DEPDC7: variants seen among roughly 807,000 people sequenced by gnomAD.
DEPDC7 encodes DEP domain-containing protein 7.
DEPDC7 carries 41 observed loss-of-function variants against 56.6 expected under a neutral mutation model. The observed-to-expected ratio is 0.72, with a 90% CI of 0.56 to 0.94. The LOEUF (loss-of-function observed/expected upper bound fraction) is 0.94, where lower values mean the gene tolerates loss of function less well. DEPDC7 is among the 40% of genes least tolerant of loss of function. The pLI is 0.00. For missense variants in DEPDC7, 522 were observed against 596.3 expected (o/e 0.88, Z 1.30); for synonymous variants, 185 against 208.8 (o/e 0.89, Z 0.98).
chr11:33,020,477 T>G (rs1412798636), intron 1 of DEPDC7, among the ~76,000 whole-genome samples: 2 of 152,188 alleles, frequency 1.3e-5, no homozygotes, highest in Admixed American at 1.3e-4. Context: ...GGCTAGATAA[T>G]CAAATTATTC....
chr11:33,026,098 C>A, intron 2 of DEPDC7, 49 bp downstream of exon 2: 1 of 1,601,926 alleles, frequency 6.2e-7, no homozygotes, highest in South Asian at 1.1e-5. Context: ...AGGATTTTGT[C>A]TACCTTTTTA....
intron 1 of DEPDC7, among the ~76,000 whole-genome samples, chr11:33,024,294 A>G (rs985645014): frequency 6.6e-6 from 1 of 152,224 alleles, no homozygotes; most frequent in African/African-American, 2.4e-5. Context: ...CTGTCTTTGC[A>G]ATAGGTCATA....
chr11:33,028,400 C>T, intron 3 of DEPDC7: 1 of 439,628 alleles, frequency 2.3e-6, no homozygotes. Context: ...GAAAAGAATT[C>T]CTGTTGTCCA....
chr11:33,020,088 AATAGGTTTTC>A (rs1853508382), intron 1 of DEPDC7, among the ~76,000 whole-genome samples: 1 of 152,214 alleles, frequency 6.6e-6, no homozygotes, highest in African/African-American at 2.4e-5. Context: ...TTTCCCTTTA[AATAGGTTTTC>A]ATAGGTTTTC....
intron 1 of DEPDC7, among the ~76,000 whole-genome samples, chr11:33,025,112 C>G (rs1452631052): frequency 6.6e-6 from 1 of 152,126 alleles, no homozygotes; most frequent in African/African-American, 2.4e-5. Flanking sequence ...CCCTCTCCCT[C>G]CTTGATCTAA....
intron 3 of DEPDC7, 46 bp from the exon 4 acceptor site, chr11:33,028,557 G>C: frequency 1.4e-6 from 2 of 1,461,944 alleles, no homozygotes; most frequent in South Asian, 1.4e-5. Context: ...TGAGCATATA[G>C]TAACTATTAA....
chr11:33,016,254 C>G, intron 1 of DEPDC7: 1 of 1,340,718 alleles, frequency 7.5e-7, no homozygotes, highest in Non-Finnish European at 9.5e-7. Context: ...CCCGCCCGCA[C>G]AGCCCAGCTT....
intron 1 of DEPDC7, chr11:33,016,607 A>T (rs1279400638): frequency 6.2e-7 from 1 of 1,611,216 alleles, no homozygotes. Flanking sequence ...CACTTTATGT[A>T]TAAGCAGTAT....
chr11:33,029,843 T>C (rs1214034292), intron 4 of DEPDC7, among the ~76,000 whole-genome samples: 2 of 152,262 alleles, frequency 1.3e-5, no homozygotes, highest in Non-Finnish European at 2.9e-5. Flanking sequence ...AACAGTTGAA[T>C]GCCAAAAGGC....
chr11:33,033,389 G>GA lies in DEPDC7; in HGVS notation c.1476dup (p.Leu493IlefsTer7), dbSNP rs1319180972. ...ATTCAAAACTTTCTGCCAAAGAGAA[G>GA]AAAAAATTGCTAGGTCAATTCTATA... On this transcript the variant is annotated frameshift_variant, in exon 9 of 9. Coordinates refer to ENST00000241051, the MANE Select transcript of DEPDC7 (RefSeq NM_001077242.2). LOFTEE classifies it high-confidence loss of function. The GA allele has an allele frequency of 4.3e-6, 7 of 1,609,520 alleles. No individual in the cohort carries two copies. Among genetic ancestry groups the GA allele is most frequent in the Non-Finnish European group, 5.9e-6 (7 of 1,178,764 alleles).
At position 33,025,901 on chromosome 11, in the gene DEPDC7, A is replaced by G; in HGVS notation, c.316A>G (p.Lys106Glu). The G allele has an allele frequency of 6.2e-7, 1 of 1,614,180 alleles. No individual in the cohort carries two copies. The highest frequency in any genetic ancestry group is 8.5e-7 in the Non-Finnish European group (1 of 1,180,022). The change falls in exon 2 of 9, where the codon AAA becomes GAA. Residue 106 changes from lysine (K) to glutamate (E), a missense_variant. Transcript: ENST00000241051. ...AGTGTGTCAAGCGCTTATGGACTACAAAGTATTTGAAGCAGTTCCAACCAA... is the reference window on the plus strand; with the variant it reads ...AGTGTGTCAAGCGCTTATGGACTACGAAGTATTTGAAGCAGTTCCAACCAA... The part of the protein sequence containing the change: ...VRVCQALMDY[K>E]VFEAVPTKVF...
At chr11:33,031,853 T>C (rs1853636498) in intron 5 of DEPDC7, among the ~76,000 whole-genome samples, 1 of 152,204 alleles carries the variant, frequency 6.6e-6, no homozygotes, top group Non-Finnish European at 1.5e-5. Context: ...GCAGCAATTC[T>C]CTTTTTTTAG....
At chr11:33,029,404 A>G (rs1853610509) in intron 4 of DEPDC7, among the ~76,000 whole-genome samples, 1 of 151,064 alleles carries the variant, frequency 6.6e-6, no homozygotes, top group African/African-American at 2.4e-5. Flanking sequence ...AGGCAGGAAA[A>G]TCACTTGAAC....
intron 1 of DEPDC7, among the ~76,000 whole-genome samples, chr11:33,017,460 T>C (rs1853476074): frequency 6.6e-6 from 1 of 152,148 alleles, no homozygotes; most frequent in Admixed American, 6.5e-5. Context: ...AGAAATTAAG[T>C]AGATAACTCT....
At chr11:33,024,834 GTGTGTA>G (rs1318061046) in intron 1 of DEPDC7, among the ~76,000 whole-genome samples, 1 of 147,688 alleles carries the variant, frequency 6.8e-6, no homozygotes. Flanking sequence ...GTGTGTGTGT[GTGTGTA>G]TGACTCATAA....
chr11:33,019,136 A>G lies in DEPDC7; in HGVS notation c.73+3108A>G, dbSNP rs796860817. Among the ~76,000 whole-genome samples, 11 of 152,148 alleles carry G rather than the reference A, an allele frequency of 7.2e-5. 1 individual carries two copies. The highest frequency in any genetic ancestry group is 2.2e-4 in the African/African-American group (9 of 41,490). On this transcript the variant is annotated intron_variant, in intron 1 of 8. Coordinates refer to ENST00000241051, the MANE Select transcript of DEPDC7 (RefSeq NM_001077242.2). Reference sequence around the variant, plus strand: ...AGCACTGTGTCTGCTGCGTTAACTCAAGTTTCCATGTCTGAACAGTATTCA... The same window carrying G: ...AGCACTGTGTCTGCTGCGTTAACTCGAGTTTCCATGTCTGAACAGTATTCA...
At chr11:33,032,595 T>C (rs1289404489) in intron 6 of DEPDC7, 73 bp from the exon 7 acceptor site, 3 of 1,351,598 alleles carry the variant, frequency 2.2e-6, no homozygotes, top group Non-Finnish European at 2.0e-6. Flanking sequence ...GCTATTAATA[T>C]TTAATATTCC....
intron 3 of DEPDC7, chr11:33,028,040 G>A: frequency 2.7e-6 from 1 of 366,526 alleles, no homozygotes; most frequent in East Asian, 4.5e-5. Flanking sequence ...AGCTGGCAAA[G>A]GTTCAGATCT....
At chr11:33,021,062 C>T (rs562319558) in intron 1 of DEPDC7, among the ~76,000 whole-genome samples, 2 of 151,950 alleles carry the variant, frequency 1.3e-5, no homozygotes, top group African/African-American at 4.8e-5. Context: ...TCCTGGCCAA[C>T]ATGGTGAAAC....
Sources: gnomAD v4.1 joint callset for allele counts (sites outside exome capture counted in the v4.1 genomes callset) on GRCh38, gnomAD v4.1.1 for gene constraint, MANE v1.5 for transcripts, NCBI Gene and HGNC (gene_info 2026-07-23, HGNC 2026-07-21) for gene names.